The following GRIP1 variants were observed in gnomAD, a reference collection of about 807,000 sequenced individuals.
GRIP1 encodes the protein glutamate receptor interacting protein 1.
In GRIP1, 45 loss-of-function variants were observed where a neutral mutation model predicts 129.9. The observed-to-expected ratio is 0.35, with a 90% CI of 0.27 to 0.44. The LOEUF is 0.44. GRIP1 is among the 20% of genes least tolerant of loss of function. The pLI is 1.00. For synonymous variants in GRIP1, 530 were observed against 520.8 expected (o/e 1.02, Z -0.24); for missense variants, 1,196 against 1,396.8 (o/e 0.86, Z 2.29).
intron 1 of GRIP1, among the ~76,000 whole-genome samples, chr12:66,828,989 A>G (rs942142912): frequency 2.6e-5 from 4 of 152,128 alleles, no homozygotes; most frequent in Non-Finnish European, 4.4e-5. Context: ...TTCTCTTTAT[A>G]CCCTAGAGGC....
At chr12:66,899,285 TTCAG>T (rs1442978369) in intron 1 of GRIP1, among the ~76,000 whole-genome samples, 1 of 152,128 alleles carries the variant, frequency 6.6e-6, no homozygotes, top group Non-Finnish European at 1.5e-5. Context: ...GAAACACTCA[TTCAG>T]TGAAATGCTG....
intron 1 of GRIP1, among the ~76,000 whole-genome samples, chr12:67,032,701 C>T (rs973039328): frequency 1.3e-5 from 2 of 152,114 alleles, no homozygotes; most frequent in African/African-American, 2.4e-5. Flanking sequence ...CTAGACATTA[C>T]CAAATATACC....
chr12:66,888,629 CTGGAATTACAGGCA>C (rs1218801661), intron 1 of GRIP1, among the ~76,000 whole-genome samples: 2 of 152,164 alleles, frequency 1.3e-5, no homozygotes, highest in African/African-American at 4.8e-5. Context: ...TCCAAAAGTG[CTGGAATTACAGGCA>C]TGAGCCACCT....
At chr12:66,440,509 C>T (rs937843219) in intron 13 of GRIP1, among the ~76,000 whole-genome samples, 4 of 152,148 alleles carry the variant, frequency 2.6e-5, no homozygotes, top group African/African-American at 9.7e-5. Flanking sequence ...CTCTCTGTCT[C>T]CAGGAGTTCA....
At chr12:66,886,980 T>G (rs1011142440) in intron 1 of GRIP1, among the ~76,000 whole-genome samples, 4 of 152,226 alleles carry the variant, frequency 2.6e-5, no homozygotes, top group African/African-American at 9.6e-5. Context: ...TGTCTCCATG[T>G]GCCCTTTTCA....
At chr12:66,426,878 C>T (rs953056879) in intron 14 of GRIP1, among the ~76,000 whole-genome samples, 1 of 152,130 alleles carries the variant, frequency 6.6e-6, no homozygotes, top group African/African-American at 2.4e-5. Context: ...GTATGCAAAC[C>T]TTCACCTAAT....
rs560639505 is a variant in GRIP1, at chr12:66,915,888, T to C, written c.58+153162A>G. Among the ~76,000 whole-genome samples the C allele has an allele frequency of 3.3e-5, 5 of 152,254 alleles. No individual in the cohort carries two copies. In the South Asian group the frequency reaches 6.2e-4, roughly 19 times the overall value. On this transcript the variant is annotated intron_variant, in intron 1 of 1. Transcript: ENST00000643019. Reference sequence around the variant, plus strand: ...AGCACCTATTAACACTCAGCCAAAATTGGAAGCAAAGGGAGAGGAAGTGCA... The same window carrying C: ...AGCACCTATTAACACTCAGCCAAAACTGGAAGCAAAGGGAGAGGAAGTGCA...
chr12:66,565,230 T>G (rs1045028978), intron 2 of GRIP1, among the ~76,000 whole-genome samples: 2 of 152,184 alleles, frequency 1.3e-5, no homozygotes, highest in African/African-American at 4.8e-5. Flanking sequence ...TTGCCTAGGT[T>G]TTCTTCTGGG....
chr12:66,558,066 A>T (rs1231088367), intron 2 of GRIP1, among the ~76,000 whole-genome samples: 1 of 152,182 alleles, frequency 6.6e-6, no homozygotes, highest in Admixed American at 6.5e-5. Context: ...ATAAACCTTT[A>T]GCCAGACTAT....
intron 14 of GRIP1, among the ~76,000 whole-genome samples, chr12:66,426,128 T>C (rs1198589927): frequency 6.6e-6 from 1 of 152,196 alleles, no homozygotes; most frequent in East Asian, 1.9e-4. Context: ...CTCAGATCTC[T>C]TGATGACAAG....
chr12:66,710,226 C>T (rs1014047787), intron 1 of GRIP1, among the ~76,000 whole-genome samples: 2 of 152,038 alleles, frequency 1.3e-5, no homozygotes, highest in African/African-American at 4.8e-5. Context: ...GGCTGAATTA[C>T]ATCTTGAAAG....
At chr12:66,748,114 G>A (rs1291876999) in intron 1 of GRIP1, among the ~76,000 whole-genome samples, 1 of 152,040 alleles carries the variant, frequency 6.6e-6, no homozygotes, top group East Asian at 1.9e-4. Context: ...CACCTTCTGG[G>A]TTTAAGCGAT....
intron 1 of GRIP1, among the ~76,000 whole-genome samples, chr12:67,024,087 A>G (rs2042906162): frequency 6.6e-6 from 1 of 152,020 alleles, no homozygotes; most frequent in Non-Finnish European, 1.5e-5. Flanking sequence ...CCCTTTTCAG[A>G]CTGTTCACAC....
upstream of GRIP1, among the ~76,000 whole-genome samples, chr12:66,806,475 C>T (rs543967535): frequency 7.7e-4 from 117 of 152,156 alleles, no homozygotes; most frequent in African/African-American, 2.6e-3. Flanking sequence ...ATAAATTTTA[C>T]GCAACTACAC....
chr12:66,582,053 C>G (rs1313473829), intron 2 of GRIP1, among the ~76,000 whole-genome samples: 1 of 152,118 alleles, frequency 6.6e-6, no homozygotes, highest in Non-Finnish European at 1.5e-5. Flanking sequence ...AAAGCTTATC[C>G]ACCATGATCA....
At chr12:66,736,872 A>G (rs2036619030) in intron 1 of GRIP1, among the ~76,000 whole-genome samples, 1 of 152,088 alleles carries the variant, frequency 6.6e-6, no homozygotes, top group Non-Finnish European at 1.5e-5. Flanking sequence ...TAGTCTGCAA[A>G]TTGAATATAC....
rs141460766 is a variant in GRIP1 at position 66,513,048 on chromosome 12, A to C, written c.724+2571T>G. The stretch of plus-strand genomic sequence containing the variant: ...GGGTGTAATATGAAGTAGGAATTTA[A>C]TTTTCCCCAAGTGGCTAATTGTCCC... On this transcript the variant is annotated intron_variant, in intron 7 of 24. Coordinates refer to ENST00000359742, the MANE Select transcript of GRIP1 (RefSeq NM_001366722.1). Among the ~76,000 whole-genome samples the C allele has an allele frequency of 1.7e-3, 263 of 152,210 alleles. 2 individuals are homozygous for C. In the Middle Eastern group the frequency reaches 0.048, roughly 28 times the overall value.
At chr12:66,923,724 G>A (rs890035856) in intron 1 of GRIP1, among the ~76,000 whole-genome samples, 1 of 152,186 alleles carries the variant, frequency 6.6e-6, no homozygotes, top group African/African-American at 2.4e-5. Flanking sequence ...TCCACTTGCT[G>A]AGAAATCTTG....
chr12:66,692,822 G>A lies in GRIP1; in HGVS notation c.-419-62486C>T, dbSNP rs150993115. Reference sequence around the variant, plus strand: ...CTGCCTGGGTTTGAATCTAGGAAATGAGCTACGACAAGTTACTAAATATTC... The same window carrying A: ...CTGCCTGGGTTTGAATCTAGGAAATAAGCTACGACAAGTTACTAAATATTC... On this transcript the variant is annotated intron_variant, in intron 1 of 4. Transcript: ENST00000538373. Among the ~76,000 whole-genome samples the A allele has an allele frequency of 5.6e-4, 85 of 152,272 alleles. 1 individual carries two copies. In the East Asian group the frequency reaches 7.0e-3, roughly 12 times the overall value.
Sources: allele counts gnomAD v4.1 joint callset (sites outside exome capture counted in the v4.1 genomes callset), GRCh38; gene constraint gnomAD v4.1.1; transcripts MANE v1.5; gene names NCBI Gene and HGNC (gene_info 2026-07-23, HGNC 2026-07-21).